PRKCZ: variants seen among roughly 807,000 people sequenced by gnomAD.
PRKCZ encodes protein kinase C zeta.
A neutral mutation model predicts 79.5 loss-of-function variants in PRKCZ; 33 were observed. The ratio of observed to expected loss-of-function variants is 0.41; its 90% CI spans 0.31 to 0.55. The LOEUF is 0.55. Among genes scored for constraint, PRKCZ ranks in the 20% least tolerant of loss-of-function variants. The probability of loss-of-function intolerance (pLI) is 0.19; values close to 1 mark genes in which losing one functional copy is unlikely to be tolerated. For missense variants in PRKCZ, 578 were observed against 813.5 expected (o/e 0.71, Z 3.52); for synonymous variants, 342 against 320.9 (o/e 1.07, Z -0.70).
chr1:2,142,595 C>T (rs1484425442), intron 5 of PRKCZ: 1 of 242,176 alleles, frequency 4.1e-6, no homozygotes, highest in Non-Finnish European at 8.3e-6. Context: ...ATCCCTCCTT[C>T]GAATAGAGCC....
intron 11 of PRKCZ, among the ~76,000 whole-genome samples, chr1:2,170,789 C>G (rs1684276084): frequency 6.6e-6 from 1 of 152,240 alleles, no homozygotes; most frequent in Non-Finnish European, 1.5e-5. Flanking sequence ...ATAGCGTCCT[C>G]AAGATTCATC....
At chr1:2,118,492 C>T (rs1056814998) in intron 4 of PRKCZ, among the ~76,000 whole-genome samples, 5 of 151,916 alleles carry the variant, frequency 3.3e-5, no homozygotes, top group South Asian at 2.1e-4. Flanking sequence ...TGCCTGCCAC[C>T]GCGCCTAGCT....
At chr1:2,156,254 G>A (rs577544900) in intron 10 of PRKCZ, 162 bp downstream of exon 10, 5 of 608,504 alleles carry the variant, frequency 8.2e-6, no homozygotes, top group Middle Eastern at 3.5e-4. Flanking sequence ...CTCCTTGGTT[G>A]GTGTCATATT....
intron 16 of PRKCZ, chr1:2,184,183 G>A (rs182152335): frequency 9.9e-4 from 189 of 191,658 alleles, no homozygotes; most frequent in Middle Eastern, 4.6e-3. Flanking sequence ...CAGTGCCAGC[G>A]CAGGCAGGGT....
At chr1:2,088,168 C>T (rs766190056) in intron 4 of PRKCZ, among the ~76,000 whole-genome samples, 1 of 152,162 alleles carries the variant, frequency 6.6e-6, no homozygotes, top group Non-Finnish European at 1.5e-5. Context: ...AGTGTCCTCA[C>T]CTACCTGGCC....
Position 2,127,921 on chromosome 1 carries a change from C to T in PRKCZ, c.335-7341C>T, listed in dbSNP as rs150967177. 3.9e-5 allele frequency among the ~76,000 whole-genome samples: 6 copies of T among 152,322 alleles called. No homozygotes were observed. In the East Asian group the frequency reaches 1.2e-3, roughly 29 times the overall value. On this transcript the variant is annotated intron_variant, in intron 4 of 17. Coordinates refer to ENST00000378567, the MANE Select transcript of PRKCZ (RefSeq NM_002744.6). The surrounding 1 kb of genome is among the most constrained non-coding windows in gnomAD (Gnocchi z 5.1). Reference sequence around the variant, plus strand: ...CACCTTAGCTCTGGACACGAATTTGCGGTCATTGCTGTTCTTGTGTCTCTA... The same window carrying T: ...CACCTTAGCTCTGGACACGAATTTGTGGTCATTGCTGTTCTTGTGTCTCTA...
At chr1:2,147,998 A>G (rs1325720941) in intron 7 of PRKCZ, among the ~76,000 whole-genome samples, 2 of 136,574 alleles carry the variant, frequency 1.5e-5, no homozygotes, top group Non-Finnish European at 3.1e-5. Flanking sequence ...TGACCTCTCC[A>G]TCTATCCATC....
chr1:2,175,793 AG>A (rs1685384100), intron 16 of PRKCZ, among the ~76,000 whole-genome samples: 1 of 152,052 alleles, frequency 6.6e-6, no homozygotes, highest in Non-Finnish European at 1.5e-5. Flanking sequence ...CAGGAGAGTG[AG>A]GGGCCGGACG....
At position 2,165,409 on chromosome 1, in the gene PRKCZ, G is replaced by GT. The variant is rs1182771098; in HGVS notation, c.975-4108dup. Among the ~76,000 whole-genome samples the GT allele has an allele frequency of 6.6e-6, 1 of 152,164 alleles. No individual in the cohort carries two copies. The highest frequency in any genetic ancestry group is 1.5e-5 in the Non-Finnish European group (1 of 68,040). On this transcript the variant is annotated intron_variant, in intron 10 of 17. Transcript: ENST00000378567. The surrounding 1 kb of genome is among the most constrained non-coding windows in gnomAD (Gnocchi z 4.1). ...CCAGGAGCTGTGTGAGCCGGAGAAC[G>GT]TCCCCTAACCTGTCTGTGCCTCGGC...
chr1:2,120,970 C>T (rs146408895), intron 4 of PRKCZ, among the ~76,000 whole-genome samples: 122 of 152,054 alleles, frequency 8.0e-4, no homozygotes, highest in African/African-American at 2.4e-3. Flanking sequence ...CACACTACCA[C>T]GCCCCACTAA....
In PRKCZ at chr1:2,128,038, T is replaced by C. The variant is rs1674285039; in HGVS notation, c.335-7224T>C. ...CAGGCTCCTGGAGCTCAGAATCTAGTGGAAATCGCTGCCCAGGGAAGAAGC... is the reference window on the plus strand; with the variant it reads ...CAGGCTCCTGGAGCTCAGAATCTAGCGGAAATCGCTGCCCAGGGAAGAAGC... On this transcript the variant is annotated intron_variant, in intron 4 of 17. Transcript: ENST00000378567. The surrounding 1 kb of genome is among the most constrained non-coding windows in gnomAD (Gnocchi z 6.5). 6.6e-6 allele frequency among the ~76,000 whole-genome samples: 1 copy of C among 152,124 alleles called. No homozygotes were observed. Among genetic ancestry groups the C allele is most frequent in the Admixed American group, 6.5e-5 (1 of 15,274 alleles).
chr1:2,106,094 C>T (rs1668356167), intron 4 of PRKCZ, among the ~76,000 whole-genome samples: 1 of 152,230 alleles, frequency 6.6e-6, no homozygotes, highest in Non-Finnish European at 1.5e-5. Flanking sequence ...GGGCCTCGCC[C>T]AGGACTTCGA....
At chr1:2,062,277 C>T (rs1660746248) in intron 4 of PRKCZ, among the ~76,000 whole-genome samples, 3 of 152,286 alleles carry the variant, frequency 2.0e-5, no homozygotes, top group Middle Eastern at 3.4e-3. Context: ...GCCCCAGCCC[C>T]ACCTCCGCTC....
At chr1:2,072,579 C>T (rs1487918100) in intron 4 of PRKCZ, among the ~76,000 whole-genome samples, 1 of 152,176 alleles carries the variant, frequency 6.6e-6, no homozygotes, top group Admixed American at 6.5e-5. Context: ...CAGGGGCTGT[C>T]CCTGTGACCT....
intron 4 of PRKCZ, among the ~76,000 whole-genome samples, chr1:2,103,698 C>T (rs1198520199): frequency 2.0e-5 from 3 of 152,236 alleles, no homozygotes; most frequent in African/African-American, 7.2e-5. Context: ...CAACACTGCA[C>T]TCTGGCCTGG....
intron 4 of PRKCZ, chr1:2,073,924 A>G (rs1661895569): frequency 2.3e-6 from 3 of 1,317,626 alleles, no homozygotes; most frequent in Non-Finnish European, 2.9e-6. Context: ...CAGGAGAAGA[A>G]AGCCGGTGAG....
rs58233626 is a variant in PRKCZ at position 2,117,998 on chromosome 1, C to CCCTTTTTT, written c.335-17264_335-17263insCCTTTTTT. On this transcript the variant is annotated intron_variant, in intron 4 of 17. Coordinates refer to ENST00000378567, the MANE Select transcript of PRKCZ (RefSeq NM_002744.6). ...TATGAGAGAGATTAGCCTATTATTTCTTTTTTTTTTTTTTTTGGAGTCTCA... is the reference window on the plus strand; with the variant it reads ...TATGAGAGAGATTAGCCTATTATTTCCCTTTTTTTTTTTTTTTTTTTTTTGGAGTCTCA... Among the ~76,000 whole-genome samples, 2 of 65,058 alleles carry CCCTTTTTT rather than the reference C, an allele frequency of 3.1e-5. 1 individual carries two copies. Among genetic ancestry groups the CCCTTTTTT allele is most frequent in the African/African-American group, 1.2e-4 (2 of 16,166 alleles). 42.7% of individuals were successfully genotyped at this position (65,058 alleles called of 152,430 possible).
Position 2,144,230 on chromosome 1 carries a change from C to T in PRKCZ, c.441C>T (p.Cys147=). The change falls in exon 6 of 18, where the codon TGC becomes TGT. Residue 147 remains cysteine, a synonymous_variant. Transcript: ENST00000378567. ...TGCAGAGAGCGTACTGCGGTCAGTG[C>T]AGCGAGAGGATATGGGGCCTCGCGA... ...RFNRRAYCGQ[C]SERIWGLARQ... is the part of the protein sequence containing the mutation. 1 of 1,552,616 alleles carries T rather than the reference C, an allele frequency of 6.4e-7. No individual in the cohort carries two copies. The highest frequency in any genetic ancestry group is 1.2e-5 in the South Asian group (1 of 84,130).
chr1:2,107,565 A>G (rs994268676), intron 4 of PRKCZ, among the ~76,000 whole-genome samples: 8 of 152,190 alleles, frequency 5.3e-5, no homozygotes, highest in Admixed American at 5.2e-4. Flanking sequence ...TCCTAGAAGT[A>G]GGGGACTGGG....
Sources: gnomAD v4.1 joint callset for allele counts (sites outside exome capture counted in the v4.1 genomes callset) on GRCh38, gnomAD v4.1.1 for gene constraint, Gnocchi (gnomAD v3.1) non-coding constraint, MANE v1.5 for transcripts, NCBI Gene and HGNC (gene_info 2026-07-23, HGNC 2026-07-21) for gene names.